Variants in ZMYM4 observed in about 807,000 individuals in gnomAD.
ZMYM4 encodes zinc finger MYM-type containing 4, also known as zinc finger MYM-type protein 4.
Under a neutral mutation model 183.2 loss-of-function variants are expected in ZMYM4, and 31 were observed. The observed-to-expected ratio is 0.17, with a 90% CI of 0.13 to 0.23. The LOEUF is 0.23. ZMYM4 is among the 10% of genes least tolerant of loss of function. ZMYM4 has a pLI of 1.00. For missense variants in ZMYM4, 1,273 were observed against 1,840.3 expected (o/e 0.69, Z 5.64); for synonymous variants, 592 against 631.2 (o/e 0.94, Z 0.93).
chr1:35,363,041 G>T (rs1258936286), intron 5 of ZMYM4, among the ~76,000 whole-genome samples: 1 of 152,166 alleles, frequency 6.6e-6, no homozygotes, highest in Non-Finnish European at 1.5e-5. Context: ...GCATGGTGGC[G>T]GGTGCCTGTA....
At chr1:35,380,383 A>G (rs545422373) in intron 7 of ZMYM4, among the ~76,000 whole-genome samples, 14 of 151,884 alleles carry the variant, frequency 9.2e-5, no homozygotes, top group Admixed American at 8.5e-4. Context: ...GCTGGAGTGC[A>G]GTGGCACAAT....
intron 17 of ZMYM4, 152 bp from the exon 18 acceptor site, chr1:35,393,443 G>A (rs189120251): frequency 6.5e-6 from 4 of 617,378 alleles, no homozygotes; most frequent in African/African-American, 1.9e-5. Context: ...TATTTTAGGA[G>A]TATTGTATTT....
rs1643889374 is a variant in ZMYM4, at chr1:35,359,289, A to G, written c.450A>G (p.Ser150=). 1 of 1,608,782 alleles carries G rather than the reference A, an allele frequency of 6.2e-7. No homozygotes were observed. The highest frequency in any genetic ancestry group is 8.5e-7 in the Non-Finnish European group (1 of 1,178,578). ...TTGATCAGGTTTCTGTCTTTAAATC[A>G]ATACGGAAAGATTTTAGTCTAGTAA... ...KQFDQVSVFK[S]IRKDFSLVRE... is the part of the protein sequence containing the mutation. The change falls in exon 3 of 30, where the codon TCA becomes TCG. Residue 150 remains serine (S), a synonymous_variant. Coordinates refer to ENST00000314607, the MANE Select transcript of ZMYM4 (RefSeq NM_005095.3).
intron 1 of ZMYM4, among the ~76,000 whole-genome samples, chr1:35,298,822 G>A (rs529715220): frequency 2.6e-4 from 40 of 152,300 alleles, no homozygotes; most frequent in Admixed American, 1.5e-3. Flanking sequence ...AGAAGAGTGG[G>A]TTTGGAGTTG....
intron 5 of ZMYM4, among the ~76,000 whole-genome samples, chr1:35,368,536 CAA>C (rs1170273530): frequency 6.6e-6 from 1 of 152,008 alleles, no homozygotes; most frequent in Non-Finnish European, 1.5e-5. Context: ...CAAATTGAAA[CAA>C]AGTGGGAAAA....
chr1:35,294,471 G>T (rs1463986538), intron 1 of ZMYM4, among the ~76,000 whole-genome samples: 1 of 152,114 alleles, frequency 6.6e-6, no homozygotes. Flanking sequence ...TGAATTAGAA[G>T]AATTATGAAG....
chr1:35,352,730 T>C (rs1643675602), intron 2 of ZMYM4, among the ~76,000 whole-genome samples: 1 of 152,216 alleles, frequency 6.6e-6, no homozygotes, highest in Non-Finnish European at 1.5e-5. Context: ...TTTCTCCTAC[T>C]CTATTAGCTG....
At chr1:35,354,641 C>T (rs540301511) in intron 2 of ZMYM4, among the ~76,000 whole-genome samples, 1 of 145,882 alleles carries the variant, frequency 6.9e-6, no homozygotes, top group African/African-American at 2.6e-5. Flanking sequence ...GCAGGAGAAT[C>T]GCTTGAACCT....
chr1:35,307,762 C>CTGACCT (rs1641606022), intron 1 of ZMYM4, among the ~76,000 whole-genome samples: 1 of 151,788 alleles, frequency 6.6e-6, no homozygotes, highest in African/African-American at 2.4e-5. Flanking sequence ...TCTCGATCTC[C>CTGACCT]TGACCTTGTG....
At chr1:35,282,441 T>C (rs567234459) in intron 1 of ZMYM4, among the ~76,000 whole-genome samples, 11 of 152,350 alleles carry the variant, frequency 7.2e-5, no homozygotes, top group African/African-American at 2.6e-4. Context: ...CTCTTTTCTT[T>C]ATAAGTTACT....
rs2148654494 is a variant in ZMYM4, at chr1:35,268,826, C to T, written c.-221C>T. On this transcript the variant is annotated 5_prime_UTR_variant, in exon 1 of 30. Coordinates refer to ENST00000314607, the MANE Select transcript of ZMYM4 (RefSeq NM_005095.3). ...CCCGAGTCCCGGCCCCCACCCCGTC[C>T]CCGGGCAGGCCCTCCCGCCCACGCG... The T allele has an allele frequency of 2.5e-6, 1 of 394,636 alleles. No individual in the cohort carries two copies. Among genetic ancestry groups the T allele is most frequent in the Non-Finnish European group, 4.3e-6 (1 of 231,270 alleles). 24.4% of individuals were successfully genotyped at this position (394,636 alleles called of 1,614,324 possible).
intron 11 of ZMYM4, 87 bp downstream of exon 11, chr1:35,386,276 T>C (rs1262353050): frequency 3.5e-6 from 3 of 863,358 alleles, no homozygotes; most frequent in Non-Finnish European, 5.4e-6. Flanking sequence ...AGAAATACCC[T>C]AGACTGGGTA....
chr1:35,355,532 G>A (rs1385692336), intron 2 of ZMYM4, among the ~76,000 whole-genome samples: 1 of 151,966 alleles, frequency 6.6e-6, no homozygotes, highest in Non-Finnish European at 1.5e-5. Flanking sequence ...CTGAACTATA[G>A]GTCCTATCTT....
chr1:35,302,200 C>T (rs1641311397), intron 1 of ZMYM4, among the ~76,000 whole-genome samples: 3 of 58,556 alleles, frequency 5.1e-5, no homozygotes, highest in African/African-American at 1.3e-4. Flanking sequence ...ACGGCTCTTG[C>T]TTTTTTTTTT....
At chr1:35,360,663 C>T (rs184149819) in intron 3 of ZMYM4, among the ~76,000 whole-genome samples, 1 of 152,084 alleles carries the variant, frequency 6.6e-6, no homozygotes, top group Admixed American at 6.5e-5. Context: ...AGCTGAATAG[C>T]GTAAGATTTA....
At chr1:35,403,626 C>G (rs1293373633) in intron 23 of ZMYM4, among the ~76,000 whole-genome samples, 1 of 152,132 alleles carries the variant, frequency 6.6e-6, no homozygotes, top group East Asian at 1.9e-4. Flanking sequence ...ACATATTTAT[C>G]TGTACTTTGT....
intron 18 of ZMYM4, among the ~76,000 whole-genome samples, chr1:35,394,949 T>TA (rs924495530): frequency 1.7e-4 from 26 of 152,046 alleles, no homozygotes; most frequent in Non-Finnish European, 3.4e-4. Flanking sequence ...CCATCTCTAC[T>TA]AAAAAATTTT....
chr1:35,271,949 G>A (rs530821847), intron 1 of ZMYM4, among the ~76,000 whole-genome samples: 2 of 151,932 alleles, frequency 1.3e-5, no homozygotes, highest in African/African-American at 4.8e-5. Flanking sequence ...GGTGACAGAG[G>A]GAAACCCCCT....
intron 7 of ZMYM4, among the ~76,000 whole-genome samples, chr1:35,374,015 G>T: frequency 7.2e-6 from 1 of 138,530 alleles, no homozygotes; most frequent in African/African-American, 2.8e-5. Flanking sequence ...TTCATCATGG[G>T]ATTCTTTTTT....
Sources: allele counts gnomAD v4.1 joint callset (sites outside exome capture counted in the v4.1 genomes callset), GRCh38; gene constraint gnomAD v4.1.1; transcripts MANE v1.5; gene names NCBI Gene and HGNC (gene_info 2026-07-23, HGNC 2026-07-21).